The following PLEKHM3 variants were observed in gnomAD, a reference collection of about 807,000 sequenced individuals.
PLEKHM3 encodes pleckstrin homology domain containing M3.
In PLEKHM3, 45 loss-of-function variants were observed where a neutral mutation model predicts 81.8. That is an observed-to-expected ratio of 0.55 (90% confidence interval 0.43 to 0.71). The LOEUF (loss-of-function observed/expected upper bound fraction) is 0.71, where lower values mean the gene tolerates loss of function less well. Ranked by LOEUF, PLEKHM3 falls within the 30% of genes least tolerant of loss-of-function variation. PLEKHM3 has a pLI of 0.00. For missense variants in PLEKHM3, 788 were observed against 924.3 expected (o/e 0.85, Z 1.91); for synonymous variants, 352 against 356.4 (o/e 0.99, Z 0.14).
At chr2:207,956,854 G>T (rs770967799) in intron 3 of PLEKHM3, among the ~76,000 whole-genome samples, 3 of 150,162 alleles carry the variant, frequency 2.0e-5, no homozygotes, top group Non-Finnish European at 4.4e-5. Flanking sequence ...ACAGGCATGA[G>T]CTACCATGCC....
At chr2:207,942,526 G>GATTCTGTCAAATGCAGCAA (rs371617645) in intron 4 of PLEKHM3, among the ~76,000 whole-genome samples, 1 of 152,050 alleles carries the variant, frequency 6.6e-6, no homozygotes, top group African/African-American at 2.4e-5. Context: ...CAGCAACATG[G>GATTCTGTCAAATGCAGCAA]ATTCTGTCAA....
At chr2:207,892,896 C>A (rs575194925) in intron 6 of PLEKHM3, among the ~76,000 whole-genome samples, 1 of 152,314 alleles carries the variant, frequency 6.6e-6, no homozygotes, top group South Asian at 2.1e-4. Context: ...GGCGATGTGG[C>A]TTAAGCAAAC....
At chr2:207,872,202 T>C (rs1304671959) in intron 6 of PLEKHM3, among the ~76,000 whole-genome samples, 1 of 152,136 alleles carries the variant, frequency 6.6e-6, no homozygotes, top group East Asian at 1.9e-4. Context: ...TTGGTTCAGC[T>C]CAGGAATTCT....
At chr2:207,866,611 C>T (rs1468763517) in intron 6 of PLEKHM3, among the ~76,000 whole-genome samples, 1 of 152,208 alleles carries the variant, frequency 6.6e-6, no homozygotes, top group Non-Finnish European at 1.5e-5. Flanking sequence ...TATTAGCCAT[C>T]CAAACTCATT....
intron 1 of PLEKHM3, among the ~76,000 whole-genome samples, chr2:208,009,101 C>T (rs1376533063): frequency 1.3e-5 from 2 of 152,214 alleles, no homozygotes; most frequent in East Asian, 1.9e-4. Flanking sequence ...GGAAACCCTT[C>T]GACGAAGCTC....
At chr2:207,924,770 T>C (rs1332737443) in intron 5 of PLEKHM3, among the ~76,000 whole-genome samples, 1 of 152,008 alleles carries the variant, frequency 6.6e-6, no homozygotes, top group Non-Finnish European at 1.5e-5. Flanking sequence ...CTAGCTCACA[T>C]AAAGTTGCCC....
intron 3 of PLEKHM3, among the ~76,000 whole-genome samples, chr2:207,963,681 T>A (rs947963573): frequency 6.6e-6 from 1 of 152,186 alleles, no homozygotes; most frequent in Non-Finnish European, 1.5e-5. Flanking sequence ...AAAAGGAAGC[T>A]GGAATGTAGG....
intron 4 of PLEKHM3, among the ~76,000 whole-genome samples, chr2:207,940,724 G>A (rs540171859): frequency 5.3e-5 from 8 of 152,216 alleles, no homozygotes; most frequent in African/African-American, 1.4e-4. Flanking sequence ...GAGAGAGCCA[G>A]CAATGCAGTC....
At chr2:207,828,977 A>C (rs1214493155) in intron 7 of PLEKHM3, among the ~76,000 whole-genome samples, 1 of 152,174 alleles carries the variant, frequency 6.6e-6, no homozygotes, top group East Asian at 1.9e-4. Flanking sequence ...CCTTTATTTG[A>C]CAGTTTGAAA....
chr2:207,886,665 T>C (rs1185247444), intron 6 of PLEKHM3, among the ~76,000 whole-genome samples: 1 of 152,168 alleles, frequency 6.6e-6, no homozygotes, highest in African/African-American at 2.4e-5. Flanking sequence ...GTTCCAGTCA[T>C]ACCAGCACCG....
At chr2:207,894,077 C>T (rs1236087624) in intron 6 of PLEKHM3, among the ~76,000 whole-genome samples, 1 of 152,152 alleles carries the variant, frequency 6.6e-6, no homozygotes, top group Admixed American at 6.5e-5. Flanking sequence ...GGATCATGCA[C>T]TACATTCCAG....
chr2:207,858,170 G>GTATA (rs1275238156), intron 7 of PLEKHM3, among the ~76,000 whole-genome samples: 1 of 99,548 alleles, frequency 1.0e-5, no homozygotes, highest in African/African-American at 4.6e-5. Flanking sequence ...GTGTGTGTGT[G>GTATA]TGTGTATATA....
At chr2:207,957,359 A>G (rs913930283) in intron 3 of PLEKHM3, among the ~76,000 whole-genome samples, 5 of 152,220 alleles carry the variant, frequency 3.3e-5, no homozygotes, top group African/African-American at 1.2e-4. Flanking sequence ...ATAACCTACT[A>G]CTTTCACTTA....
chr2:207,926,707 A>G (rs1689405172), intron 5 of PLEKHM3, among the ~76,000 whole-genome samples: 1 of 152,220 alleles, frequency 6.6e-6, no homozygotes, highest in African/African-American at 2.4e-5. Context: ...CGGGGAGGAC[A>G]CTGACTTTTT....
intron 2 of PLEKHM3, among the ~76,000 whole-genome samples, chr2:207,995,843 T>G (rs1692102745): frequency 6.6e-6 from 1 of 152,244 alleles, no homozygotes; most frequent in African/African-American, 2.4e-5. Flanking sequence ...TCATGTATTC[T>G]TCTCTCATAT....
At chr2:208,019,105 T>C (rs1288054622) in intron 1 of PLEKHM3, among the ~76,000 whole-genome samples, 1 of 150,734 alleles carries the variant, frequency 6.6e-6, no homozygotes, top group Non-Finnish European at 1.5e-5. Flanking sequence ...TTCAAGACCA[T>C]CCTGAGCAAC....
At chr2:208,020,718 A>AG (rs1284914004) in intron 1 of PLEKHM3, among the ~76,000 whole-genome samples, 1 of 152,052 alleles carries the variant, frequency 6.6e-6, no homozygotes. Flanking sequence ...AGAAAAAAAA[A>AG]CTCCTTGCTA....
At position 208,001,176 on chromosome 2, in the gene PLEKHM3, G is replaced by A. The variant is rs180671227; in HGVS notation, c.464C>T (p.Thr155Ile). 31 of 1,614,096 alleles carry A rather than the reference G, an allele frequency of 1.9e-5. No homozygotes were observed. The East Asian group carries it at 6.5e-4, about 34-fold the overall frequency. The stretch of plus-strand genomic sequence containing the variant: ...GAGGACTACCCTCCAGTCCACTTGG[G>A]TAATATCTGATCGTGATCGAGCATG... The part of the protein sequence containing the change: ...PGHARSRSDI[T>I]QVDWRVVLKT... The change falls in exon 2 of 8, where the codon ACC becomes ATC. Residue 155 changes from threonine to isoleucine, a missense_variant. Physicochemically the swap from Thr to Ile is moderately conservative, Grantham distance 89. Transcript: ENST00000427836.
At chr2:207,956,908 C>G (rs373999386) in intron 3 of PLEKHM3, among the ~76,000 whole-genome samples, 27 of 151,690 alleles carry the variant, frequency 1.8e-4, no homozygotes, top group African/African-American at 6.5e-4. Flanking sequence ...GCAAGAAAAG[C>G]TGGAAGGGGA....
Sources: allele counts gnomAD v4.1 joint callset (sites outside exome capture counted in the v4.1 genomes callset), GRCh38; gene constraint gnomAD v4.1.1; transcripts MANE v1.5; gene names NCBI Gene and HGNC (gene_info 2026-07-23, HGNC 2026-07-21).